Variants in FSD1L observed in about 807,000 individuals in gnomAD.
The protein encoded by FSD1L is fibronectin type III and SPRY domain containing 1 like.
FSD1L carries 45 observed loss-of-function variants against 71.6 expected under a neutral mutation model. The observed-to-expected ratio is 0.63, with a 90% CI of 0.49 to 0.81. The LOEUF (loss-of-function observed/expected upper bound fraction) is 0.81, where lower values mean the gene tolerates loss of function less well. FSD1L is among the 30% of genes least tolerant of loss of function. FSD1L has a pLI of 0.00. For synonymous variants in FSD1L, 197 were observed against 207.2 expected, an observed-to-expected ratio of 0.95 and a Z score of 0.42; for missense variants, 561 against 618.1, an observed-to-expected ratio of 0.91 and a Z score of 0.98.
intron 7 of FSD1L, among the ~76,000 whole-genome samples, chr9:105,487,814 T>A (rs1200860763): frequency 1.3e-5 from 2 of 152,212 alleles, no homozygotes; most frequent in Admixed American, 6.5e-5. Context: ...ACTTCACTAT[T>A]GCAAGATTGT....
Position 105,464,286 on chromosome 9 carries a change from T to G in FSD1L, c.162T>G (p.Ile54Met), listed in dbSNP as rs770295157. The stretch of plus-strand genomic sequence containing the variant: ...CTCTGGCAAATAAAAATGATGAAAT[T>G]CAGAACTTTATTGATACACTACATC... ...ISTLANKNDE[I>M]QNFIDTLHHT... Residue 54 changes from isoleucine (I) to methionine (M), a missense_variant, in exon 3 of 14, where the codon ATT (isoleucine) becomes ATG (methionine). Ile to Met is a conservative substitution (Grantham distance 10). Around this residue, in one of 3 missense-constraint regions of FSD1L, gnomAD observed 410 missense variants for 413.5 expected, o/e 0.99. Coordinates refer to ENST00000481272, the MANE Select transcript of FSD1L (RefSeq NM_001145313.3). 3.9e-5 allele frequency: 60 copies of G among 1,531,506 alleles called. 1 individual carries two copies. In the Admixed American group the frequency reaches 1.2e-3, roughly 30 times the overall value. The allele number at this position is 1,531,506 out of a possible 1,614,324, so 94.9% of individuals were successfully genotyped here.
chr9:105,534,017 G>C (rs1179284769), intron 10 of FSD1L, among the ~76,000 whole-genome samples: 2 of 152,152 alleles, frequency 1.3e-5, no homozygotes, highest in East Asian at 3.9e-4. Context: ...GAGCCACCGT[G>C]CCTGGCCGCC....
intron 2 of FSD1L, among the ~76,000 whole-genome samples, chr9:105,462,401 A>T (rs1430380059): frequency 6.6e-6 from 1 of 151,116 alleles, no homozygotes; most frequent in Non-Finnish European, 1.5e-5. Flanking sequence ...TTGTCTTTTT[A>T]GTAGAGACAG....
intron 10 of FSD1L, chr9:105,523,321 A>C (rs1319244382): frequency 1.3e-6 from 2 of 1,590,460 alleles, no homozygotes; most frequent in Non-Finnish European, 8.6e-7. Context: ...CTCGATGAGA[A>C]GCTCCACCAC....
At chr9:105,485,335 G>T (rs1167413649) in intron 7 of FSD1L, among the ~76,000 whole-genome samples, 4 of 150,186 alleles carry the variant, frequency 2.7e-5, no homozygotes, top group African/African-American at 1.0e-4. Flanking sequence ...GGCAAAACAA[G>T]AGAGTTAACC....
In FSD1L at chr9:105,534,529, C is replaced by T; in HGVS notation, c.1062C>T (p.Gly354=). 2 of 1,550,832 alleles carry T rather than the reference C, an allele frequency of 1.3e-6. No homozygotes were observed. Among genetic ancestry groups the T allele is most frequent in the Non-Finnish European group, 1.7e-6 (2 of 1,146,140 alleles). ...GTPSPKRTSV[G]SRPPAVRGSR... ...CATCCCCAAAACGAACATCTGTAGG[C>T]TCCAGGCCACCAGCAGTAAGAGGCA... The change falls in exon 11 of 14, where the codon GGC becomes GGT. Residue 354 remains glycine, a synonymous_variant. Coordinates refer to ENST00000481272, the MANE Select transcript of FSD1L (RefSeq NM_001145313.3).
intron 10 of FSD1L, among the ~76,000 whole-genome samples, chr9:105,517,610 C>T (rs1435876132): frequency 6.6e-6 from 1 of 152,142 alleles, no homozygotes; most frequent in Non-Finnish European, 1.5e-5. Context: ...CAAGCAAATG[C>T]TGAGAGATTT....
intron 5 of FSD1L, 138 bp downstream of exon 5, chr9:105,472,143 G>T (rs1433076470): frequency 9.6e-7 from 1 of 1,045,246 alleles, no homozygotes; most frequent in Non-Finnish European, 1.3e-6. Context: ...TAAGTAAAAT[G>T]CTGGCTGTTC....
At chr9:105,509,397 C>G (rs1405203666) in intron 9 of FSD1L, among the ~76,000 whole-genome samples, 1 of 152,090 alleles carries the variant, frequency 6.6e-6, no homozygotes. Context: ...AATGAAAACT[C>G]CCTAGAGTAG....
chr9:105,526,392 C>A, intron 10 of FSD1L: 1 of 1,613,312 alleles, frequency 6.2e-7, no homozygotes, highest in East Asian at 2.2e-5. Flanking sequence ...GGCTCCTACC[C>A]AGAGATTCTA....
rs1433347962 is a variant in FSD1L, at chr9:105,468,250, A to G, written c.265A>G (p.Ile89Val). 3.4e-6 allele frequency: 5 copies of G among 1,479,470 alleles called. No individual in the cohort carries two copies. In the East Asian group the frequency reaches 8.3e-5, roughly 25 times the overall value. The allele number at this position is 1,479,470 out of a possible 1,614,324, so 91.6% of individuals were successfully genotyped here. The change falls in exon 4 of 14, where the codon ATA becomes GTA. Residue 89 changes from isoleucine to valine, a missense_variant. Coordinates refer to ENST00000481272, the MANE Select transcript of FSD1L (RefSeq NM_001145313.3). ...LDEEFDSLYS[I>V]LDEVKESMIN... ...TGAAGAATTTGATAGTTTATACTCT[A>G]TACTGGATGAAGTAAAAGAAAGTAT...
chr9:105,521,284 T>C, intron 10 of FSD1L: 1 of 1,614,218 alleles, frequency 6.2e-7, no homozygotes, highest in Non-Finnish European at 8.5e-7. Flanking sequence ...GCTAGTTTAG[T>C]ATCCAGAGAA....
At chr9:105,522,163 T>A (rs1794451586) in intron 10 of FSD1L, 1 of 1,613,980 alleles carries the variant, frequency 6.2e-7, no homozygotes, top group African/African-American at 1.3e-5. Context: ...AATGTGTACA[T>A]CTCCCGAGAA....
intron 10 of FSD1L, among the ~76,000 whole-genome samples, chr9:105,532,805 C>G (rs1196122040): frequency 6.6e-6 from 1 of 152,178 alleles, no homozygotes; most frequent in African/African-American, 2.4e-5. Flanking sequence ...TGTTGTAGTT[C>G]TAGACTTACA....
upstream of FSD1L, among the ~76,000 whole-genome samples, chr9:105,446,414 G>T (rs1394112597): frequency 2.0e-5 from 3 of 152,322 alleles, no homozygotes; most frequent in East Asian, 1.9e-4. Context: ...GCCCAGGCTG[G>T]AGTGCAGTGG....
At position 105,528,811 on chromosome 9, in the gene FSD1L, C is replaced by T. The variant is rs555011643; in HGVS notation, c.1026-5682C>T. On this transcript the variant is annotated intron_variant, in intron 10 of 13. Coordinates refer to ENST00000481272, the MANE Select transcript of FSD1L (RefSeq NM_001145313.3). The stretch of plus-strand genomic sequence containing the variant: ...CTAATTAAACTAAAGAGCTTCTGCA[C>T]AGCAAAAGAAACTGTCATCAGAGTG... Among the ~76,000 whole-genome samples the T allele has an allele frequency of 2.0e-5, 3 of 152,266 alleles. No individual in the cohort carries two copies. The South Asian group carries it at 6.2e-4, about 32-fold the overall frequency.
chr9:105,463,382 AC>A (rs1830847535), intron 2 of FSD1L, among the ~76,000 whole-genome samples: 1 of 152,178 alleles, frequency 6.6e-6, no homozygotes, highest in Non-Finnish European at 1.5e-5. Flanking sequence ...ACTATAAATA[AC>A]CTTGTTTGGT....
chr9:105,505,419 C>T (rs1277359722), intron 7 of FSD1L, among the ~76,000 whole-genome samples: 2 of 152,140 alleles, frequency 1.3e-5, no homozygotes, highest in African/African-American at 2.4e-5. Context: ...TGCCACCACA[C>T]CTGGCTAATT....
chr9:105,521,641 C>T (rs1835163980), intron 10 of FSD1L: 1 of 1,613,264 alleles, frequency 6.2e-7, no homozygotes, highest in Non-Finnish European at 8.5e-7. Flanking sequence ...TCAGACCTCC[C>T]TTGCATTGAA....
Sources: allele counts gnomAD v4.1 joint callset (sites outside exome capture counted in the v4.1 genomes callset), GRCh38; gene constraint gnomAD v4.1.1; regional missense constraint gnomAD v4.1.1; transcripts MANE v1.5; gene names NCBI Gene and HGNC (gene_info 2026-07-23, HGNC 2026-07-21).